Variants in CCDC18 observed in about 807,000 individuals in gnomAD.
The protein encoded by CCDC18 is coiled-coil domain-containing protein 18.
A neutral mutation model predicts 196.0 loss-of-function variants in CCDC18; 157 were observed. That is an observed-to-expected ratio of 0.80 (90% CI 0.70 to 0.91). The LOEUF (loss-of-function observed/expected upper bound fraction) is 0.91, where lower values mean the gene tolerates loss of function less well. Ranked by LOEUF, CCDC18 falls within the 40% of genes least tolerant of loss-of-function variation. The pLI, the probability that CCDC18 is intolerant of heterozygous loss-of-function variation, is 0.00. For missense variants in CCDC18, 1,465 were observed against 1,611.6 expected (o/e 0.91, Z 1.56); for synonymous variants, 482 against 529.2 (o/e 0.91, Z 1.22).
chr1:93,220,141 G>C (rs552135594), intron 14 of CCDC18, among the ~76,000 whole-genome samples: 48 of 152,240 alleles, frequency 3.2e-4, no homozygotes, highest in African/African-American at 1.1e-3. Flanking sequence ...AAAGCACCCA[G>C]AGATAAATGA....
chr1:93,239,643 G>T (rs762073541), intron 20 of CCDC18, 40 bp from the exon 21 acceptor site: 62 of 1,443,278 alleles, frequency 4.3e-5, no homozygotes, highest in Admixed American at 4.1e-4. Context: ...GTAATAAATG[G>T]TTTACATATA....
chr1:93,210,146 G>A (rs1655370950), intron 9 of CCDC18, among the ~76,000 whole-genome samples: 3 of 152,290 alleles, frequency 2.0e-5, no homozygotes, highest in African/African-American at 7.2e-5. Flanking sequence ...GACACGATTA[G>A]AAAATGTGAT....
At chr1:93,205,462 C>G (rs41286833) in intron 7 of CCDC18, 48 bp from the exon 8 acceptor site, 29,485 of 1,518,106 alleles carry the variant, frequency 0.019, 316 homozygotes, top group Non-Finnish European at 0.022. Flanking sequence ...CTTGAAACAC[C>G]TAAAACTTAC....
At chr1:93,263,658 C>A (rs959428458) in intron 26 of CCDC18, among the ~76,000 whole-genome samples, 3 of 152,208 alleles carry the variant, frequency 2.0e-5, no homozygotes, top group Admixed American at 2.0e-4. Context: ...TTTGACAAGT[C>A]TGTAGGAAGT....
rs772271879 is a variant in CCDC18, at chr1:93,180,849, C to G, written c.-6C>G. Reference sequence around the variant, plus strand: ...GACTCGAGTGCGAAGCGCGCAGTCGCCGGGTGGGTCTCTCCCCAGCGACGA... The same window carrying G: ...GACTCGAGTGCGAAGCGCGCAGTCGGCGGGTGGGTCTCTCCCCAGCGACGA... On this transcript the variant is annotated 5_prime_UTR_variant, in exon 1 of 29. Coordinates refer to ENST00000690025, the MANE Select transcript of CCDC18 (RefSeq NM_001378204.1). 1 of 1,367,478 alleles carries G rather than the reference C, an allele frequency of 7.3e-7. No homozygotes were observed. Among genetic ancestry groups the G allele is most frequent in the Non-Finnish European group, 9.8e-7 (1 of 1,021,984 alleles). 84.7% of individuals were successfully genotyped at this position (1,367,478 alleles called of 1,614,324 possible).
chr1:93,268,980 T>G (rs1664912252), intron 27 of CCDC18, among the ~76,000 whole-genome samples: 1 of 152,122 alleles, frequency 6.6e-6, no homozygotes, highest in African/African-American at 2.4e-5. Context: ...TGCACATGTA[T>G]GTTTATTGCG....
At chr1:93,182,217 ACTTT>A (rs545655736) in intron 1 of CCDC18, among the ~76,000 whole-genome samples, 61 of 152,316 alleles carry the variant, frequency 4.0e-4, no homozygotes, top group African/African-American at 1.3e-3. Flanking sequence ...ATTTCCTGCC[ACTTT>A]CTTTCCATAA....
intron 1 of CCDC18, among the ~76,000 whole-genome samples, chr1:93,181,907 G>A (rs1022982035): frequency 2.0e-5 from 3 of 152,184 alleles, no homozygotes; most frequent in East Asian, 3.8e-4. Flanking sequence ...GAGCCACCGC[G>A]CCCGGACTGG....
At chr1:93,217,949 C>A in intron 14 of CCDC18, 80 bp downstream of exon 14, 2 of 1,194,956 alleles carry the variant, frequency 1.7e-6, no homozygotes, top group Non-Finnish European at 2.4e-6. Flanking sequence ...ATTTTGTAGA[C>A]GAGGACACAA....
intron 24 of CCDC18, among the ~76,000 whole-genome samples, chr1:93,255,317 A>G (rs2101074602): frequency 6.6e-6 from 1 of 152,314 alleles, no homozygotes; most frequent in African/African-American, 2.4e-5. Context: ...GAATGGATAA[A>G]TAAATAATTG....
At chr1:93,209,590 C>G (rs915987912) in intron 9 of CCDC18, among the ~76,000 whole-genome samples, 1 of 152,234 alleles carries the variant, frequency 6.6e-6, no homozygotes, top group African/African-American at 2.4e-5. Context: ...ATAACTTGCC[C>G]AACTGGTAAG....
At chr1:93,207,500 T>C in intron 9 of CCDC18, 102 bp downstream of exon 9, 1 of 816,774 alleles carries the variant, frequency 1.2e-6, no homozygotes, top group Non-Finnish European at 1.8e-6. Flanking sequence ...AATTTCTTTT[T>C]CTCTATACTT....
intron 28 of CCDC18, among the ~76,000 whole-genome samples, chr1:93,273,303 C>T (rs1207649284): frequency 2.0e-5 from 3 of 152,158 alleles, no homozygotes; most frequent in South Asian, 4.1e-4. Context: ...CTCCTGACCT[C>T]GTGATCTGCC....
chr1:93,258,969 G>A lies in CCDC18; in HGVS notation c.3684+84G>A, dbSNP rs115689098. 4.9e-4 allele frequency: 560 copies of A among 1,136,746 alleles called. 4 individuals carry two copies. In the African/African-American group the frequency reaches 8.2e-3, roughly 17 times the overall value. 70.4% of individuals were successfully genotyped at this position (1,136,746 alleles called of 1,614,324 possible). ...ACAAAAGTATGAGTCCAGCTCTTAA[G>A]TGTTCATTATTGAATAATACATTGT... On this transcript the variant is annotated intron_variant, in intron 26 of 28. Transcript: ENST00000690025.
At chr1:93,271,043 G>A (rs1665216026) in intron 28 of CCDC18, 2 of 983,690 alleles carry the variant, frequency 2.0e-6, no homozygotes, top group Admixed American at 6.2e-5. Context: ...ACAGGAAGTA[G>A]AACGAAAAAT....
At chr1:93,227,316 G>A (rs1341233918) in intron 17 of CCDC18, among the ~76,000 whole-genome samples, 1 of 149,686 alleles carries the variant, frequency 6.7e-6, no homozygotes, top group Non-Finnish European at 1.5e-5. Context: ...ATGCTGCCAC[G>A]CCCGGCTAAT....
intron 23 of CCDC18, among the ~76,000 whole-genome samples, chr1:93,252,949 G>A (rs531931194): frequency 1.5e-4 from 23 of 152,362 alleles, no homozygotes; most frequent in African/African-American, 5.0e-4. Flanking sequence ...GCGTACTAAG[G>A]CTGTGGGAAT....
intron 21 of CCDC18, among the ~76,000 whole-genome samples, chr1:93,243,766 C>T (rs933791630): frequency 2.6e-5 from 4 of 152,192 alleles, no homozygotes; most frequent in African/African-American, 9.6e-5. Flanking sequence ...TAAGAGTCAC[C>T]TTTGCTCCAG....
intron 3 of CCDC18, among the ~76,000 whole-genome samples, chr1:93,185,168 C>G (rs1650418965): frequency 6.6e-6 from 1 of 151,798 alleles, no homozygotes; most frequent in Non-Finnish European, 1.5e-5. Context: ...GAAACTATAC[C>G]TAAGTACCTT....
Sources: gnomAD v4.1 joint callset for allele counts (sites outside exome capture counted in the v4.1 genomes callset) on GRCh38, gnomAD v4.1.1 for gene constraint, MANE v1.5 for transcripts, NCBI Gene and HGNC (gene_info 2026-07-23, HGNC 2026-07-21) for gene names.